Variants in STK39 observed in about 807,000 individuals in gnomAD.
The protein encoded by STK39 is serine/threonine kinase 39.
A neutral mutation model predicts 77.8 loss-of-function variants in STK39; 20 were observed. The ratio of observed to expected loss-of-function variants is 0.26; its 90% confidence interval spans 0.18 to 0.37. The LOEUF (loss-of-function observed/expected upper bound fraction) is 0.37. Ranked by LOEUF, STK39 falls within the 10% of genes least tolerant of loss-of-function variation. The pLI is 1.00. For missense variants in STK39, 479 were observed against 656.5 expected (o/e 0.73, Z 2.95); for synonymous variants, 246 against 234.1 (o/e 1.05, Z -0.47).
chr2:167,980,711 C>G (rs1461059405), intron 16 of STK39, among the ~76,000 whole-genome samples: 1 of 150,662 alleles, frequency 6.6e-6, no homozygotes, highest in Non-Finnish European at 1.5e-5. Context: ...TGCGGCACTG[C>G]TCTGGGGAAG....
chr2:168,128,070 G>T (rs1183789692), intron 10 of STK39, among the ~76,000 whole-genome samples: 1 of 152,142 alleles, frequency 6.6e-6, no homozygotes, highest in Non-Finnish European at 1.5e-5. Context: ...ACTTAACAAG[G>T]AGCTGGAGTG....
In STK39 at chr2:168,240,131, A is replaced by C. The variant is rs142875879; in HGVS notation, c.208+7097T>G. ...TGGAATGGTGTTCCAAGCAGAGGGA[A>C]ATCTTGCCTAGAAGAGGCATTTCAG... On this transcript the variant is annotated intron_variant, in intron 1 of 17. Transcript: ENST00000355999. 8.0e-3 allele frequency among the ~76,000 whole-genome samples: 1,213 copies of C among 152,320 alleles called. 14 individuals carry two copies. The highest frequency in any genetic ancestry group is 0.023 in the African/African-American group (944 of 41,566).
intron 1 of STK39, among the ~76,000 whole-genome samples, chr2:168,241,374 T>C (rs917375494): frequency 1.3e-5 from 2 of 152,200 alleles, no homozygotes; most frequent in East Asian, 1.9e-4. Flanking sequence ...AGTGCAGTCC[T>C]AGCAGGTTGT....
chr2:167,954,640 T>C lies in STK39; in HGVS notation c.*856A>G, dbSNP rs1392650367. 2 of 152,614 alleles carry C rather than the reference T, an allele frequency of 1.3e-5. No individual in the cohort carries two copies. Among genetic ancestry groups the C allele is most frequent in the South Asian group, 2.1e-4 (1 of 4,818 alleles). 9.5% of individuals were successfully genotyped at this position (152,614 alleles called of 1,614,324 possible). ...AAAACTTAACATATGCCACCTTATATAGAGGAAATTTTAGATCTGAGACTA... is the reference window on the plus strand; with the variant it reads ...AAAACTTAACATATGCCACCTTATACAGAGGAAATTTTAGATCTGAGACTA... On this transcript the variant is annotated 3_prime_UTR_variant, in exon 18 of 18. Transcript: ENST00000355999.
chr2:168,018,780 A>G lies in STK39; in HGVS notation c.1377-1685T>C, dbSNP rs368973231. Among the ~76,000 whole-genome samples, 71 of 152,160 alleles carry G rather than the reference A, an allele frequency of 4.7e-4. No individual in the cohort carries two copies. In the East Asian group the frequency reaches 9.9e-3, roughly 21 times the overall value. On this transcript the variant is annotated intron_variant, in intron 14 of 17. Coordinates refer to ENST00000355999, the MANE Select transcript of STK39 (RefSeq NM_013233.3). ...CTCTGTGAACTGTGCCCAAACCACA[A>G]TGAAGCTGGTCTCTGGGCCCTTTTT...
chr2:168,170,424 T>A (rs1332099999), intron 2 of STK39, among the ~76,000 whole-genome samples: 1 of 152,210 alleles, frequency 6.6e-6, no homozygotes, highest in African/African-American at 2.4e-5. Context: ...GGTTCTAACA[T>A]CCTATTCTCT....
At chr2:167,971,754 C>T (rs1285222431) in intron 16 of STK39, among the ~76,000 whole-genome samples, 1 of 152,240 alleles carries the variant, frequency 6.6e-6, no homozygotes, top group African/African-American at 2.4e-5. Context: ...GCAGCACCAA[C>T]TGGCTGACTT....
At chr2:168,100,619 C>T (rs182725362) in intron 10 of STK39, among the ~76,000 whole-genome samples, 1 of 152,266 alleles carries the variant, frequency 6.6e-6, no homozygotes, top group African/African-American at 2.4e-5. Flanking sequence ...AAACTAGCAT[C>T]AGAGTGAATA....
At chr2:167,967,427 T>C (rs1692188319) in intron 16 of STK39, among the ~76,000 whole-genome samples, 1 of 152,208 alleles carries the variant, frequency 6.6e-6, no homozygotes, top group Non-Finnish European at 1.5e-5. Flanking sequence ...AGGGTATCTT[T>C]ATGTGAACAG....
intron 10 of STK39, 103 bp downstream of exon 10, chr2:168,129,438 A>G: frequency 7.9e-7 from 1 of 1,272,132 alleles, no homozygotes; most frequent in Non-Finnish European, 1.1e-6. Flanking sequence ...TAGCGTCTGA[A>G]TAGTATATCC....
chr2:168,149,549 T>A (rs1290459898), intron 5 of STK39, among the ~76,000 whole-genome samples: 1 of 152,250 alleles, frequency 6.6e-6, no homozygotes, highest in East Asian at 1.9e-4. Flanking sequence ...TACTCTGTTA[T>A]TTGTACCCAA....
intron 4 of STK39, among the ~76,000 whole-genome samples, chr2:168,163,026 C>CA (rs11371654): frequency 0.29 from 38,411 of 132,006 alleles, 5,591 homozygotes; most frequent in East Asian, 0.58. Flanking sequence ...GACTCTGTCT[C>CA]AAAAAAAAAA....
intron 8 of STK39, among the ~76,000 whole-genome samples, chr2:168,133,841 A>C (rs1687763423): frequency 6.8e-6 from 1 of 146,900 alleles, no homozygotes; most frequent in Admixed American, 6.9e-5. Context: ...CTGGGTGACA[A>C]AGCGAGACTC....
At chr2:168,207,437 A>C (rs992915313) in intron 1 of STK39, among the ~76,000 whole-genome samples, 2 of 152,208 alleles carry the variant, frequency 1.3e-5, no homozygotes, top group Non-Finnish European at 1.5e-5. Context: ...ACTCAATTCA[A>C]CTTTGAGTAC....
chr2:168,150,671 G>A (rs1435146432), intron 5 of STK39, among the ~76,000 whole-genome samples: 2 of 151,604 alleles, frequency 1.3e-5, no homozygotes, highest in Non-Finnish European at 2.9e-5. Context: ...AGGTAATTGC[G>A]GTTTTAAATT....
intron 14 of STK39, among the ~76,000 whole-genome samples, chr2:168,020,230 C>T (rs1684536709): frequency 1.3e-5 from 2 of 151,876 alleles, no homozygotes; most frequent in Non-Finnish European, 2.9e-5. Flanking sequence ...AAATGACAAC[C>T]CCATTATATG....
At chr2:168,057,904 TG>T (rs1239135735) in intron 14 of STK39, among the ~76,000 whole-genome samples, 1 of 152,206 alleles carries the variant, frequency 6.6e-6, no homozygotes, top group Non-Finnish European at 1.5e-5. Flanking sequence ...AACAGATGTC[TG>T]GGGATCATCC....
At chr2:168,054,741 C>G (rs1685479957) in intron 14 of STK39, among the ~76,000 whole-genome samples, 1 of 150,404 alleles carries the variant, frequency 6.6e-6, no homozygotes, top group Non-Finnish European at 1.5e-5. Context: ...TTCGTCCTAT[C>G]CATTACTCTT....
chr2:167,964,854 CAA>C, intron 16 of STK39, 128 bp from the exon 17 acceptor site: 1 of 741,178 alleles, frequency 1.3e-6, no homozygotes. Context: ...ATAAACATTG[CAA>C]AGTCCATATA....
Sources: allele counts gnomAD v4.1 joint callset (sites outside exome capture counted in the v4.1 genomes callset), GRCh38; gene constraint gnomAD v4.1.1; transcripts MANE v1.5; gene names NCBI Gene and HGNC (gene_info 2026-07-23, HGNC 2026-07-21).